The following POLH variants were observed in gnomAD, a reference collection of about 807,000 sequenced individuals.
POLH encodes the protein DNA polymerase eta transcript.
A neutral mutation model predicts 73.6 loss-of-function variants in POLH; 53 were observed. The observed-to-expected ratio is 0.72, with a 90% CI of 0.58 to 0.91. The LOEUF is 0.91. Among genes scored for constraint, POLH ranks in the 40% least tolerant of loss-of-function variants. POLH has a pLI of 0.00. For missense variants in POLH, 768 were observed against 865.4 expected, an observed-to-expected ratio of 0.89 and a Z score of 1.41; for synonymous variants, 292 against 308.5, an observed-to-expected ratio of 0.95 and a Z score of 0.56.
chr6:43,608,450 C>T (rs142605978), intron 9 of POLH, among the ~76,000 whole-genome samples: 5 of 152,298 alleles, frequency 3.3e-5, no homozygotes, highest in Admixed American at 1.3e-4. Context: ...GTTGCGTTAT[C>T]GCCCTTTTCC....
At chr6:43,577,034 A>G (rs577216325) in intron 1 of POLH, among the ~76,000 whole-genome samples, 1 of 152,058 alleles carries the variant, frequency 6.6e-6, no homozygotes, top group Non-Finnish European at 1.5e-5. Flanking sequence ...GTATTTTTAT[A>G]CAGGCGTGGC....
Position 43,619,838 on chromosome 6 carries a change from A to C in POLH, c.*5281A>C, listed in dbSNP as rs2127829654. ...TTGTTAGTAGCAAGTTAAACCAGTT[A>C]CATTTTATAAAACAGCCTGAGTGGT... On this transcript the variant is annotated 3_prime_UTR_variant, in exon 11 of 11. Transcript: ENST00000372236. Among the ~76,000 whole-genome samples, 1 of 152,344 alleles carries C rather than the reference A, an allele frequency of 6.6e-6. No homozygotes were observed. The highest frequency in any genetic ancestry group is 2.4e-5 in the African/African-American group (1 of 41,582).
intron 10 of POLH, 128 bp from the exon 11 acceptor site, chr6:43,613,532 G>GC: frequency 1.3e-6 from 1 of 774,996 alleles, no homozygotes. Context: ...GAACCAGAAT[G>GC]CTAGTCATCT....
chr6:43,602,995 CTTTT>C (rs59306548), intron 6 of POLH, among the ~76,000 whole-genome samples: 2 of 114,026 alleles, frequency 1.8e-5, no homozygotes, highest in South Asian at 2.8e-4. Flanking sequence ...TTATGTATTC[CTTTT>C]TTTTTTTTTT....
In POLH at chr6:43,616,911, CA is replaced by C. The variant is rs1180831927; in HGVS notation, c.*2355del. On this transcript the variant is annotated 3_prime_UTR_variant, in exon 11 of 11. Coordinates refer to ENST00000372236, the MANE Select transcript of POLH (RefSeq NM_006502.3). ...CTGATAAGTCATAATCAAATCTTGC[CA>C]GGCGTGGTGGTTTATGCCTGTTATC... 6.6e-6 allele frequency among the ~76,000 whole-genome samples: 1 copy of C among 152,212 alleles called. No homozygotes were observed. The highest frequency in any genetic ancestry group is 2.4e-5 in the African/African-American group (1 of 41,456).
intron 8 of POLH, 57 bp from the exon 9 acceptor site, chr6:43,605,197 G>T: frequency 1.0e-6 from 1 of 995,272 alleles, no homozygotes; most frequent in Non-Finnish European, 1.6e-6. Context: ...ACACCATCTA[G>T]TTCTTAATAG....
At position 43,619,437 on chromosome 6, in the gene POLH, T is replaced by C. The variant is rs1330541321; in HGVS notation, c.*4880T>C. 6.7e-6 allele frequency among the ~76,000 whole-genome samples: 1 copy of C among 148,404 alleles called. No homozygotes were observed. The highest frequency in any genetic ancestry group is 1.5e-5 in the Non-Finnish European group (1 of 67,274). The stretch of plus-strand genomic sequence containing the variant: ...ACGTGGCCTTTTCCCCCTAACTAGC[T>C]ATGTAGCTTCTTAAAGGCAAAGATT... On this transcript the variant is annotated 3_prime_UTR_variant, in exon 11 of 11. Transcript: ENST00000372236.
In POLH at chr6:43,597,751, C is replaced by T. The variant is rs971195455; in HGVS notation, c.546C>T (p.Asn182=). ...FQWLDSLQID[N]LTSPDLQLTV... ...GGCTCGATTCTCTTCAGATTGATAA[C>T]CTCACCTCTCCAGACCTGCAGCTCA... Residue 182 remains asparagine (N), a synonymous_variant, in exon 5 of 11, where the codon AAC becomes AAT. Transcript: ENST00000372236. The T allele has an allele frequency of 8.1e-6, 13 of 1,613,836 alleles. No individual in the cohort carries two copies. Among genetic ancestry groups the T allele is most frequent in the African/African-American group, 1.3e-5 (1 of 74,886 alleles).
At chr6:43,576,644 CTT>C (rs1763376046) in intron 1 of POLH, among the ~76,000 whole-genome samples, 1 of 152,198 alleles carries the variant, frequency 6.6e-6, no homozygotes, top group African/African-American at 2.4e-5. Flanking sequence ...AAACCTCTCT[CTT>C]GGAATTACTT....
rs1408201727 is a variant in POLH at position 43,614,513 on chromosome 6, G to A, written c.2098G>A (p.Gly700Ser). The A allele has an allele frequency of 1.2e-6, 2 of 1,613,952 alleles. No individual in the cohort carries two copies. Among genetic ancestry groups the A allele is most frequent in the Non-Finnish European group, 1.7e-6 (2 of 1,180,038 alleles). ...ACTNKRPRPE[G>S]MQTLESFFKP... The stretch of plus-strand genomic sequence containing the variant: ...CACTAATAAACGCCCCAGGCCTGAG[G>A]GCATGCAAACATTGGAATCATTTTT... Residue 700 changes from glycine to serine, a missense_variant, in exon 11 of 11, where the codon GGC becomes AGC. Gly to Ser is a moderately conservative substitution (Grantham distance 56). Transcript: ENST00000372236.
At chr6:43,601,455 A>G (rs1582304223) in intron 6 of POLH, among the ~76,000 whole-genome samples, 3 of 152,158 alleles carry the variant, frequency 2.0e-5, no homozygotes, top group African/African-American at 4.8e-5. Flanking sequence ...TAGTAGAGAC[A>G]GGGTTTCACC....
chr6:43,588,836 C>T (rs1238980803), intron 4 of POLH: 1 of 150,692 alleles, frequency 6.6e-6, no homozygotes, highest in African/African-American at 2.4e-5. Context: ...AGATCTCATT[C>T]TTTTTCTTTT....
chr6:43,609,326 T>C (rs1767639461), intron 9 of POLH, among the ~76,000 whole-genome samples: 2 of 152,232 alleles, frequency 1.3e-5, no homozygotes, highest in African/African-American at 4.8e-5. Context: ...AGTTGAATAA[T>C]TTTGGTCAAC....
intron 2 of POLH, 47 bp downstream of exon 2, chr6:43,582,503 G>A (rs968838709): frequency 6.3e-7 from 1 of 1,580,146 alleles, no homozygotes; most frequent in South Asian, 1.1e-5. Flanking sequence ...TAACACAGTG[G>A]CACTGTGGCA....
At position 43,610,659 on chromosome 6, in the gene POLH, A is replaced by G. The variant is rs1767796686; in HGVS notation, c.1180A>G (p.Lys394Glu). 6.2e-7 allele frequency: 1 copy of G among 1,613,472 alleles called. No individual in the cohort carries two copies. The highest frequency in any genetic ancestry group is 8.5e-7 in the Non-Finnish European group (1 of 1,179,642). ...CCALTRYDAH[K>E]MSHDAFTVIK... ...TGCCCTTACCCGCTATGATGCTCACAAGATGAGCCATGATGCATTTACTGT... is the reference window on the plus strand; with the variant it reads ...TGCCCTTACCCGCTATGATGCTCACGAGATGAGCCATGATGCATTTACTGT... The change falls in exon 10 of 11, where the codon AAG becomes GAG. Residue 394 changes from lysine (K) to glutamate (E), a missense_variant. Lys to Glu is a moderately conservative substitution (Grantham distance 56, BLOSUM62 1). Coordinates refer to ENST00000372236, the MANE Select transcript of POLH (RefSeq NM_006502.3).
intron 6 of POLH, among the ~76,000 whole-genome samples, chr6:43,602,563 ACCT>A (rs1766850273): frequency 1.3e-5 from 2 of 152,204 alleles, no homozygotes; most frequent in South Asian, 4.1e-4. Flanking sequence ...GTGAACTGGG[ACCT>A]AAAGTAGTTT....
Position 43,618,437 on chromosome 6 carries a change from C to T in POLH, c.*3880C>T, listed in dbSNP as rs1315998573. Among the ~76,000 whole-genome samples, 1 of 152,072 alleles carries T rather than the reference C, an allele frequency of 6.6e-6. No individual in the cohort carries two copies. The highest frequency in any genetic ancestry group is 1.5e-5 in the Non-Finnish European group (1 of 68,022). ...AAAGTGCTGGGATTATAGGCATGAG[C>T]CACCACGCCCAGCCTATAGTACTGT... is the stretch of plus-strand genomic sequence containing the variant. On this transcript the variant is annotated 3_prime_UTR_variant, in exon 11 of 11. Transcript: ENST00000372236.
intron 4 of POLH, among the ~76,000 whole-genome samples, chr6:43,588,998 C>T (rs561473095): frequency 2.6e-4 from 39 of 152,208 alleles, no homozygotes; most frequent in African/African-American, 7.5e-4. Context: ...CCACCGCGCC[C>T]GGCTAATTTT....
chr6:43,582,569 C>A (rs1057380709), intron 2 of POLH, 113 bp downstream of exon 2: 2 of 1,089,402 alleles, frequency 1.8e-6, no homozygotes, highest in African/African-American at 1.5e-5. Context: ...TCTCTGTTGT[C>A]CCATCCAGAG....
Sources: allele counts gnomAD v4.1 joint callset (sites outside exome capture counted in the v4.1 genomes callset), GRCh38; gene constraint gnomAD v4.1.1; transcripts MANE v1.5; gene names NCBI Gene and HGNC (gene_info 2026-07-23, HGNC 2026-07-21).